The following PIGU variants were observed in gnomAD, a reference collection of about 807,000 sequenced individuals.
The protein encoded by PIGU is phosphatidylinositol glycan anchor biosynthesis class U.
Under a neutral mutation model 49.9 loss-of-function variants are expected in PIGU, and 24 were observed. That is an observed-to-expected ratio of 0.48 (90% CI 0.35 to 0.68). The LOEUF is 0.68. Among genes scored for constraint, PIGU ranks in the 30% least tolerant of loss-of-function variants. The pLI is 0.01. For missense variants in PIGU, 490 were observed against 532.6 expected, an observed-to-expected ratio of 0.92 and a Z score of 0.79; for synonymous variants, 220 against 205.7, an observed-to-expected ratio of 1.07 and a Z score of -0.59.
At chr20:34,594,020 T>C (rs1360251988) in intron 7 of PIGU, among the ~76,000 whole-genome samples, 1 of 151,824 alleles carries the variant, frequency 6.6e-6, no homozygotes, top group Non-Finnish European at 1.5e-5. Flanking sequence ...CAACAAAAAA[T>C]ACAAAAATTA....
chr20:34,659,560 G>A (rs1392938176), intron 1 of PIGU, among the ~76,000 whole-genome samples: 1 of 152,222 alleles, frequency 6.6e-6, no homozygotes, highest in Non-Finnish European at 1.5e-5. Context: ...GTACCCAACA[G>A]CTCATTGAGA....
At chr20:34,664,474 G>T (rs544036138) in intron 1 of PIGU, among the ~76,000 whole-genome samples, 1 of 148,082 alleles carries the variant, frequency 6.8e-6, no homozygotes, top group East Asian at 2.0e-4. Flanking sequence ...CCAGGCGGGT[G>T]GATCACCTGA....
chr20:34,621,474 G>C (rs1985229292), intron 6 of PIGU, among the ~76,000 whole-genome samples: 2 of 152,146 alleles, frequency 1.3e-5, no homozygotes, highest in South Asian at 4.1e-4. Context: ...CTGCAGTCTG[G>C]GGGCAGAAAC....
At chr20:34,675,434 A>G (rs1987469229) in intron 1 of PIGU, among the ~76,000 whole-genome samples, 1 of 152,148 alleles carries the variant, frequency 6.6e-6, no homozygotes, top group Non-Finnish European at 1.5e-5. Flanking sequence ...CAACAGAAAA[A>G]TAATACGCAG....
chr20:34,608,360 C>T (rs958607047), intron 7 of PIGU, among the ~76,000 whole-genome samples: 1 of 152,190 alleles, frequency 6.6e-6, no homozygotes, highest in Admixed American at 6.5e-5. Flanking sequence ...AGGCGTGAGC[C>T]ACCGTGCCCA....
chr20:34,634,658 G>A lies in PIGU; in HGVS notation c.486C>T (p.Ile162=), dbSNP rs371461832. 85 of 1,613,238 alleles carry A rather than the reference G, an allele frequency of 5.3e-5. No individual in the cohort carries two copies. Among genetic ancestry groups the A allele is most frequent in the East Asian group, 2.2e-5 (1 of 44,844 alleles). The change falls in exon 6 of 12, where the codon ATC becomes ATT. Residue 162 remains isoleucine, a synonymous_variant. Coordinates refer to ENST00000217446, the MANE Select transcript of PIGU (RefSeq NM_080476.5). ...TGAAGAAAGCAATGAGGGTGTTGTT[G>A]ATGGCACAGGTAGACTTGGCAACAC... ...LSCVAKSTCA[I]NNTLIAFFIL...
intron 2 of PIGU, among the ~76,000 whole-genome samples, chr20:34,656,434 T>TGCC (rs879632197): frequency 0.083 from 6,349 of 76,716 alleles, 205 homozygotes; most frequent in Middle Eastern, 0.13. Context: ...AGGCGCCCAC[T>TGCC]ACCGCGCCCA....
chr20:34,609,759 A>C (rs1476652504), intron 7 of PIGU, among the ~76,000 whole-genome samples: 1 of 152,088 alleles, frequency 6.6e-6, no homozygotes, highest in Non-Finnish European at 1.5e-5. Context: ...CAGGTGATAT[A>C]ATTTGGCTGT....
At chr20:34,661,498 A>C (rs988015760) in intron 1 of PIGU, among the ~76,000 whole-genome samples, 4 of 150,434 alleles carry the variant, frequency 2.7e-5, no homozygotes, top group African/African-American at 9.8e-5. Flanking sequence ...TTTGCTTAGG[A>C]TAATGTCTCC....
At chr20:34,564,021 A>C (rs551024176) in intron 11 of PIGU, among the ~76,000 whole-genome samples, 1 of 152,324 alleles carries the variant, frequency 6.6e-6, no homozygotes, top group South Asian at 2.1e-4. Flanking sequence ...ATTCTACAAG[A>C]TACCTGGCCA....
In PIGU at chr20:34,654,898, G is replaced by A. The variant is rs369427776; in HGVS notation, c.195+2282C>T. Among the ~76,000 whole-genome samples the A allele has an allele frequency of 1.8e-4, 21 of 116,530 alleles. 6 individuals are homozygous for A. Among genetic ancestry groups the A allele is most frequent in the African/African-American group, 5.8e-4 (18 of 31,284 alleles). 76.4% of individuals were successfully genotyped at this position (116,530 alleles called of 152,430 possible). A position where few individuals can be genotyped will look rare whatever the true frequency, so the allele number is the denominator to read the frequency against. ...CGCGTGCCTGTGGTCCCAGCTTCTC[G>A]GGAGGCTGAGGCAGAGGAGTCGCTT... is the stretch of plus-strand genomic sequence containing the variant. On this transcript the variant is annotated intron_variant, in intron 2 of 11. Coordinates refer to ENST00000217446, the MANE Select transcript of PIGU (RefSeq NM_080476.5).
intron 7 of PIGU, among the ~76,000 whole-genome samples, chr20:34,591,316 A>G (rs953528593): frequency 6.6e-6 from 1 of 152,208 alleles, no homozygotes; most frequent in African/African-American, 2.4e-5. Flanking sequence ...AAAATAGACA[A>G]ATCCATCATC....
chr20:34,588,662 T>G, intron 7 of PIGU, 55 bp from the exon 8 acceptor site: 2 of 1,530,422 alleles, frequency 1.3e-6, no homozygotes, highest in Non-Finnish European at 1.8e-6. Flanking sequence ...AGAGGGCAGC[T>G]ATTAGCTTAC....
chr20:34,562,332 A>G, intron 11 of PIGU: 1 of 856,178 alleles, frequency 1.2e-6, no homozygotes, highest in Non-Finnish European at 1.4e-6. Context: ...ACAGATGGGG[A>G]GACTGAGGCA....
At position 34,654,772 on chromosome 20, in the gene PIGU, C is replaced by T. The variant is rs1265714396; in HGVS notation, c.195+2408G>A. Among the ~76,000 whole-genome samples, 5 of 119,118 alleles carry T rather than the reference C, an allele frequency of 4.2e-5. 1 individual carries two copies. The highest frequency in any genetic ancestry group is 8.9e-5 in the Non-Finnish European group (5 of 55,914). The allele number at this position is 119,118 out of a possible 152,430, so 78.1% of individuals were successfully genotyped here. A position where few individuals can be genotyped will look rare whatever the true frequency, so the allele number is the denominator to read the frequency against. ...CTGTAATCCCAGCACTTTGGGAGGCCGAGGCAGGCGGATCACAAGGTCAGG... is the reference window on the plus strand; with the variant it reads ...CTGTAATCCCAGCACTTTGGGAGGCTGAGGCAGGCGGATCACAAGGTCAGG... On this transcript the variant is annotated intron_variant, in intron 2 of 11. Transcript: ENST00000217446.
chr20:34,668,701 G>A (rs1359038967), intron 1 of PIGU, among the ~76,000 whole-genome samples: 3 of 150,592 alleles, frequency 2.0e-5, no homozygotes, highest in East Asian at 3.9e-4. Context: ...ACCGGAAGGC[G>A]GAGCTTGCAG....
chr20:34,646,098 G>A (rs1986336208), intron 2 of PIGU, among the ~76,000 whole-genome samples: 2 of 151,922 alleles, frequency 1.3e-5, no homozygotes, highest in Non-Finnish European at 2.9e-5. Flanking sequence ...ATTTTCTTGA[G>A]ACTAGTTCAG....
In PIGU at chr20:34,667,043, T is replaced by G. The variant is rs372699560; in HGVS notation, c.131-9799A>C. ...TTTTTGTAGAGATGGGGTCCTGCTA[T>G]GTTGCTCAGGCTGGTCTCAAACTCC... On this transcript the variant is annotated intron_variant, in intron 1 of 11. Transcript: ENST00000217446. Among the ~76,000 whole-genome samples, 4 of 152,072 alleles carry G rather than the reference T, an allele frequency of 2.6e-5. No homozygotes were observed. The East Asian group carries it at 7.8e-4, about 29-fold the overall frequency.
chr20:34,620,820 C>A (rs7269971), intron 6 of PIGU, among the ~76,000 whole-genome samples: 138 of 96,540 alleles, frequency 1.4e-3, no homozygotes, highest in Middle Eastern at 4.7e-3. Context: ...AAAAAAAAAA[C>A]AAAAAAAAAA....
Sources: allele counts gnomAD v4.1 joint callset (sites outside exome capture counted in the v4.1 genomes callset), GRCh38; gene constraint gnomAD v4.1.1; transcripts MANE v1.5; gene names NCBI Gene and HGNC (gene_info 2026-07-23, HGNC 2026-07-21).